SORCS1: variants seen among roughly 807,000 people sequenced by gnomAD.
SORCS1 encodes VPS10 domain-containing receptor SorCS1.
Under a neutral mutation model 146.1 loss-of-function variants are expected in SORCS1, and 60 were observed. The observed-to-expected ratio is 0.41, with a 90% CI of 0.33 to 0.51. SORCS1 has a LOEUF of 0.51. Among genes scored for constraint, SORCS1 ranks in the 20% least tolerant of loss-of-function variants. The pLI, the probability that SORCS1 is intolerant of heterozygous loss-of-function variation, is 0.21. For synonymous variants in SORCS1, 637 were observed against 584.0 expected, an observed-to-expected ratio of 1.09 and a Z score of -1.31; for missense variants, 1,352 against 1,487.6, an observed-to-expected ratio of 0.91 and a Z score of 1.50.
intron 2 of SORCS1, among the ~76,000 whole-genome samples, chr10:106,955,762 C>T (rs1954907812): frequency 6.6e-6 from 1 of 151,994 alleles, no homozygotes; most frequent in African/African-American, 2.4e-5. Flanking sequence ...TGAGGCCAGC[C>T]GGCAGATCAC....
At chr10:107,144,182 C>A (rs1170708652) in intron 1 of SORCS1, among the ~76,000 whole-genome samples, 1 of 152,106 alleles carries the variant, frequency 6.6e-6, no homozygotes, top group Non-Finnish European at 1.5e-5. Flanking sequence ...TTCTTCAAAA[C>A]CTTTGCTGAT....
At chr10:107,105,612 C>G (rs72812995) in intron 1 of SORCS1, among the ~76,000 whole-genome samples, 9,896 of 152,120 alleles carry the variant, frequency 0.065, 346 homozygotes, top group Non-Finnish European at 0.078. Context: ...GCAGGATGCA[C>G]CCAGCATGGG....
At chr10:106,777,849 C>T (rs1158910883) in intron 3 of SORCS1, among the ~76,000 whole-genome samples, 1 of 152,174 alleles carries the variant, frequency 6.6e-6, no homozygotes, top group African/African-American at 2.4e-5. Flanking sequence ...TTGACCTCTT[C>T]CCCATCAACT....
chr10:107,084,197 G>A (rs1326969687), intron 1 of SORCS1, among the ~76,000 whole-genome samples: 2 of 146,576 alleles, frequency 1.4e-5, no homozygotes, highest in African/African-American at 2.5e-5. Context: ...CTGGGTTCAC[G>A]CCACTCTCCT....
chr10:107,118,005 C>T (rs1966147828), intron 1 of SORCS1, among the ~76,000 whole-genome samples: 1 of 152,038 alleles, frequency 6.6e-6, no homozygotes, highest in African/African-American at 2.4e-5. Flanking sequence ...TTTCGAGGGG[C>T]TATGGACAGA....
chr10:106,998,626 T>G (rs981376465), intron 1 of SORCS1, among the ~76,000 whole-genome samples: 5 of 152,254 alleles, frequency 3.3e-5, no homozygotes, highest in African/African-American at 1.2e-4. Context: ...CTATTATCTT[T>G]TTTACATTAA....
At chr10:106,623,313 G>A (rs1589500220) in intron 19 of SORCS1, among the ~76,000 whole-genome samples, 1 of 150,968 alleles carries the variant, frequency 6.6e-6, no homozygotes, top group Admixed American at 6.6e-5. Context: ...CACGATCTCG[G>A]AGCATTGCAA....
At chr10:106,994,778 A>G (rs935388576) in intron 1 of SORCS1, among the ~76,000 whole-genome samples, 1 of 152,222 alleles carries the variant, frequency 6.6e-6, no homozygotes, top group Non-Finnish European at 1.5e-5. Flanking sequence ...ATTTTTGAAG[A>G]GAAGGAGAAG....
At chr10:106,725,809 G>C (rs1288348501) in intron 6 of SORCS1, among the ~76,000 whole-genome samples, 6 of 150,830 alleles carry the variant, frequency 4.0e-5, no homozygotes, top group Non-Finnish European at 4.4e-5. Context: ...TGCACGCCTG[G>C]AGTCCCAGCT....
chr10:107,062,489 T>C (rs1212349108), intron 1 of SORCS1, among the ~76,000 whole-genome samples: 1 of 152,054 alleles, frequency 6.6e-6, no homozygotes, highest in African/African-American at 2.4e-5. Flanking sequence ...AAAATACTCA[T>C]GAAAACAGAA....
intron 8 of SORCS1, among the ~76,000 whole-genome samples, chr10:106,704,598 G>A (rs1051421047): frequency 2.6e-5 from 4 of 152,314 alleles, no homozygotes; most frequent in Middle Eastern, 3.4e-3. Flanking sequence ...GCTGAGGCAG[G>A]AGAATCGCTT....
chr10:106,919,221 C>T (rs138555650), intron 2 of SORCS1, among the ~76,000 whole-genome samples: 93 of 152,212 alleles, frequency 6.1e-4, no homozygotes, highest in Non-Finnish European at 9.9e-4. Flanking sequence ...ATAGCTATGC[C>T]CTTTTCACTG....
chr10:106,678,893 A>G (rs2135547937), intron 12 of SORCS1, among the ~76,000 whole-genome samples: 1 of 152,270 alleles, frequency 6.6e-6, no homozygotes, highest in South Asian at 2.1e-4. Flanking sequence ...CCAACTCAGC[A>G]TTAGATATGT....
chr10:106,634,213 T>C (rs1326056678), intron 18 of SORCS1, among the ~76,000 whole-genome samples: 1 of 152,216 alleles, frequency 6.6e-6, no homozygotes, highest in Non-Finnish European at 1.5e-5. Flanking sequence ...TGGGTGGTAC[T>C]AGGGTAGACT....
upstream of SORCS1, among the ~76,000 whole-genome samples, chr10:107,165,322 T>TGTGTGTGTGTGTGTGTGTGTG (rs1970016923): frequency 6.6e-6 from 1 of 150,602 alleles, no homozygotes; most frequent in African/African-American, 2.4e-5. This position sits in a 1 kb window ranked among gnomAD's most constrained non-coding sequence, Gnocchi z 4.0. Context: ...TGTGTGTGTG[T>TGTGTGTGTGTGTGTGTGTGTG]TAGTTTGGGG....
chr10:106,760,516 G>C (rs926691177), intron 5 of SORCS1, among the ~76,000 whole-genome samples: 2 of 149,432 alleles, frequency 1.3e-5, no homozygotes, highest in African/African-American at 2.5e-5. Flanking sequence ...GACACAGACA[G>C]AAGGCAGCCA....
intron 24 of SORCS1, among the ~76,000 whole-genome samples, chr10:106,588,417 T>A (rs1845373229): frequency 6.6e-6 from 1 of 152,174 alleles, no homozygotes; most frequent in African/African-American, 2.4e-5. Context: ...ATGGCTTGAG[T>A]TGTAAATCAG....
chr10:107,137,811 A>C (rs1967451134), intron 1 of SORCS1, among the ~76,000 whole-genome samples: 1 of 151,820 alleles, frequency 6.6e-6, no homozygotes, highest in Non-Finnish European at 1.5e-5. Context: ...GCAGCGAGCC[A>C]AGATCATGCC....
chr10:107,076,792 T>A (rs1046721472), intron 1 of SORCS1, among the ~76,000 whole-genome samples: 1 of 152,174 alleles, frequency 6.6e-6, no homozygotes, highest in East Asian at 1.9e-4. Context: ...TCTGAGGTTC[T>A]GATGGTGGCT....
Sources: gnomAD v4.1 joint callset for allele counts (sites outside exome capture counted in the v4.1 genomes callset) on GRCh38, gnomAD v4.1.1 for gene constraint, Gnocchi (gnomAD v3.1) non-coding constraint, MANE v1.5 for transcripts, NCBI Gene and HGNC (gene_info 2026-07-23, HGNC 2026-07-21) for gene names.